The following PCDHA10 variants were observed in gnomAD, a reference collection of about 807,000 sequenced individuals.
The protein encoded by PCDHA10 is protocadherin alpha-10.
PCDHA10 carries 45 observed loss-of-function variants against 61.2 expected under a neutral mutation model. That is an observed-to-expected ratio of 0.74 (90% CI 0.58 to 0.94). PCDHA10 has a LOEUF of 0.94. Among genes scored for constraint, PCDHA10 ranks in the 40% least tolerant of loss-of-function variants. The probability of loss-of-function intolerance (pLI) is 0.00; values close to 1 mark genes in which losing one functional copy is unlikely to be tolerated. For synonymous variants in PCDHA10, 602 were observed against 548.8 expected, an observed-to-expected ratio of 1.10 and a Z score of -1.35; for missense variants, 1,278 against 1,236.2, an observed-to-expected ratio of 1.03 and a Z score of -0.51.
intron 3 of PCDHA10, among the ~76,000 whole-genome samples, chr5:140,983,419 A>G (rs1209385386): frequency 5.3e-5 from 8 of 152,210 alleles, no homozygotes; most frequent in Non-Finnish European, 1.2e-4. Flanking sequence ...GTGTTGGTAG[A>G]GACCACAAAT....
chr5:140,966,712 TG>T, intron 1 of PCDHA10: 1 of 1,392,090 alleles, frequency 7.2e-7, no homozygotes, highest in South Asian at 1.6e-5. Context: ...GGGGCACGGC[TG>T]GGGAAGCTGC....
chr5:140,862,502 G>A (rs2047397445), intron 1 of PCDHA10: 2 of 398,710 alleles, frequency 5.0e-6, no homozygotes, highest in Non-Finnish European at 5.0e-6. Flanking sequence ...TCGGAATGGG[G>A]ACTCGCTTTC....
chr5:140,927,374 A>G (rs1026302775), intron 1 of PCDHA10: 5 of 1,614,100 alleles, frequency 3.1e-6, no homozygotes, highest in Non-Finnish European at 4.2e-6. Context: ...ATACTAAGCT[A>G]CAGCCTAAGC....
chr5:140,884,233 T>A (rs782019323), intron 1 of PCDHA10: 1 of 1,613,364 alleles, frequency 6.2e-7, no homozygotes. Flanking sequence ...AGGACCACGG[T>A]GAGCCCGCGC....
intron 3 of PCDHA10, among the ~76,000 whole-genome samples, chr5:140,986,776 C>T (rs916981139): frequency 2.6e-5 from 4 of 152,098 alleles, no homozygotes; most frequent in Non-Finnish European, 4.4e-5. Flanking sequence ...AATTAGGTAG[C>T]GGAAGCCACT....
intron 1 of PCDHA10, chr5:140,967,835 G>T: frequency 6.2e-7 from 1 of 1,614,142 alleles, no homozygotes; most frequent in Non-Finnish European, 8.5e-7. Flanking sequence ...GGACATCGTG[G>T]ACGTGAATGA....
intron 1 of PCDHA10, among the ~76,000 whole-genome samples, chr5:140,886,844 AAAAG>A (rs1232979230): frequency 6.0e-5 from 9 of 150,634 alleles, no homozygotes; most frequent in Non-Finnish European, 8.9e-5. Flanking sequence ...AAAAAAAAAA[AAAAG>A]AAAGGTCTTC....
At chr5:140,870,496 G>A in intron 1 of PCDHA10, 1 of 1,614,234 alleles carries the variant, frequency 6.2e-7, no homozygotes, top group Non-Finnish European at 8.5e-7. Flanking sequence ...GTTCGTGAAG[G>A]AGAACAACCC....
In PCDHA10 at chr5:140,877,706, T is replaced by C. The variant is rs142399025; in HGVS notation, c.2388+19270T>C. On this transcript the variant is annotated intron_variant, in intron 1 of 3. Coordinates refer to ENST00000307360, the MANE Select transcript of PCDHA10 (RefSeq NM_018901.4). ...CCCACGCTGGTGTGCTCCAGCGCCG[T>C]GGGGAGTTGGTCTTACTCGCAGCAG... is the stretch of plus-strand genomic sequence containing the variant. The C allele has an allele frequency of 5.8e-4, 943 of 1,613,918 alleles. 7 individuals carry two copies. In the African/African-American group the frequency reaches 0.011, roughly 19 times the overall value.
At chr5:140,948,942 TA>T (rs34363674) in intron 1 of PCDHA10, among the ~76,000 whole-genome samples, 1 of 151,394 alleles carries the variant, frequency 6.6e-6, no homozygotes, top group Admixed American at 6.6e-5. Context: ...TCTTCTAATA[TA>T]AAAAAATTAA....
intron 1 of PCDHA10, among the ~76,000 whole-genome samples, chr5:140,950,799 G>C (rs1218789077): frequency 5.3e-5 from 8 of 151,796 alleles, no homozygotes; most frequent in African/African-American, 1.7e-4. Flanking sequence ...ATATTGTCTG[G>C]TTTTACCATA....
At chr5:140,936,630 T>C (rs1309907947) in intron 1 of PCDHA10, among the ~76,000 whole-genome samples, 1 of 152,234 alleles carries the variant, frequency 6.6e-6, no homozygotes, top group Non-Finnish European at 1.5e-5. Context: ...GCTACCTTTG[T>C]CATAAGCAAC....
intron 1 of PCDHA10, among the ~76,000 whole-genome samples, chr5:140,890,049 G>T (rs1488374417): frequency 1.3e-5 from 2 of 152,158 alleles, no homozygotes; most frequent in Non-Finnish European, 2.9e-5. Flanking sequence ...GTGTGTTGGA[G>T]CTGGCTCTTT....
intron 1 of PCDHA10, chr5:140,882,683 C>G (rs1554175163): frequency 6.2e-7 from 1 of 1,614,148 alleles, no homozygotes; most frequent in Non-Finnish European, 8.5e-7. Flanking sequence ...AAGCAAGAAA[C>G]GAATAATCAT....
intron 1 of PCDHA10, chr5:140,967,005 A>G: frequency 1.2e-6 from 2 of 1,605,512 alleles, no homozygotes; most frequent in African/African-American, 1.3e-5. Flanking sequence ...TTGCGCATCA[A>G]CCATCTGGGT....
chr5:140,999,409 T>C (rs1554256782), intron 3 of PCDHA10, among the ~76,000 whole-genome samples: 1 of 152,186 alleles, frequency 6.6e-6, no homozygotes, highest in African/African-American at 2.4e-5. Flanking sequence ...TATGAAAGAA[T>C]GGGAGCTAAG....
intron 1 of PCDHA10, among the ~76,000 whole-genome samples, chr5:140,932,822 A>G (rs1191525374): frequency 6.6e-6 from 1 of 151,946 alleles, no homozygotes; most frequent in Non-Finnish European, 1.5e-5. Context: ...ATAAGTGGGA[A>G]AGTATTGACA....
intron 1 of PCDHA10, chr5:140,869,637 T>A: frequency 6.2e-7 from 1 of 1,613,610 alleles, no homozygotes; most frequent in Non-Finnish European, 8.5e-7. Flanking sequence ...ATGAGTATTT[T>A]TCTTTAGATT....
intron 1 of PCDHA10, among the ~76,000 whole-genome samples, chr5:140,891,443 T>C (rs1181273099): frequency 6.7e-6 from 1 of 148,474 alleles, no homozygotes; most frequent in Non-Finnish European, 1.5e-5. Flanking sequence ...GTCCATTGTA[T>C]AGGATTTTTG....
Sources: gnomAD v4.1 joint callset for allele counts (sites outside exome capture counted in the v4.1 genomes callset) on GRCh38, gnomAD v4.1.1 for gene constraint, MANE v1.5 for transcripts, NCBI Gene and HGNC (gene_info 2026-07-23, HGNC 2026-07-21) for gene names.